NIPBL: variants seen among roughly 807,000 people sequenced by gnomAD.
The protein encoded by NIPBL is nipped-B-like protein.
A neutral mutation model predicts 321.8 loss-of-function variants in NIPBL; 19 were observed. That is an observed-to-expected ratio of 0.06 (90% CI 0.04 to 0.09). NIPBL has a LOEUF of 0.09. Among genes scored for constraint, NIPBL ranks in the 10% least tolerant of loss-of-function variants. NIPBL has a pLI of 1.00. For missense variants in NIPBL, 2,210 were observed against 3,327.0 expected (o/e 0.66, Z 8.26); for synonymous variants, 1,106 against 1,114.1 (o/e 0.99, Z 0.14).
At chr5:36,901,668 C>G (rs576121868) in intron 1 of NIPBL, among the ~76,000 whole-genome samples, 1 of 152,060 alleles carries the variant, frequency 6.6e-6, no homozygotes, top group African/African-American at 2.4e-5. Flanking sequence ...CACCACCACA[C>G]CCAACTAATT....
rs200928826 is a variant in NIPBL, at chr5:36,993,837, A to C, written c.3122-1785A>C. On this transcript the variant is annotated intron_variant, in intron 10 of 46. Coordinates refer to ENST00000282516, the MANE Select transcript of NIPBL (RefSeq NM_133433.4). ...TATCAAATACAGCAACTCAGGAACTATCCAGGAAGTACATCTGTAAGTGGA... is the reference window on the plus strand; with the variant it reads ...TATCAAATACAGCAACTCAGGAACTCTCCAGGAAGTACATCTGTAAGTGGA... 6.6e-5 allele frequency among the ~76,000 whole-genome samples: 10 copies of C among 152,262 alleles called. No individual in the cohort carries two copies. In the East Asian group the frequency reaches 1.9e-3, roughly 29 times the overall value.
At chr5:36,921,087 G>A (rs1748903827) in intron 1 of NIPBL, among the ~76,000 whole-genome samples, 1 of 151,290 alleles carries the variant, frequency 6.6e-6, no homozygotes, top group African/African-American at 2.4e-5. Context: ...AGTTTTCTTA[G>A]CTAATTTTTA....
At chr5:37,053,715 A>G (rs979606936) in intron 42 of NIPBL, among the ~76,000 whole-genome samples, 11 of 152,236 alleles carry the variant, frequency 7.2e-5, no homozygotes, top group Admixed American at 2.0e-4. Context: ...GGCCAGGACC[A>G]TAGGCCAAGA....
chr5:37,022,411 A>G, intron 29 of NIPBL, 21 bp downstream of exon 29: 2 of 1,587,070 alleles, frequency 1.3e-6, no homozygotes. Flanking sequence ...CATTTTTATA[A>G]TGATTCGTGA....
chr5:37,050,888 A>ATGCAGTCTCAGCTTACC (rs1753467111), intron 40 of NIPBL: 2 of 151,854 alleles, frequency 1.3e-5, no homozygotes, highest in Non-Finnish European at 2.9e-5. Flanking sequence ...GAGTGCAGTG[A>ATGCAGTCTCAGCTTACC]TGCAGTCTCA....
At chr5:37,020,143 A>G (rs1749462266) in intron 25 of NIPBL, among the ~76,000 whole-genome samples, 1 of 152,234 alleles carries the variant, frequency 6.6e-6, no homozygotes, top group African/African-American at 2.4e-5. Context: ...TTGACCCATC[A>G]TCTGTTTAAC....
intron 6 of NIPBL, among the ~76,000 whole-genome samples, chr5:36,964,938 A>G (rs1742038211): frequency 6.6e-6 from 1 of 152,154 alleles, no homozygotes; most frequent in African/African-American, 2.4e-5. Context: ...GCCGAACATC[A>G]CTCATCATCA....
At chr5:37,025,235 G>GGTGA (rs2149703067) in intron 30 of NIPBL, among the ~76,000 whole-genome samples, 1 of 152,162 alleles carries the variant, frequency 6.6e-6, no homozygotes, top group East Asian at 1.9e-4. Flanking sequence ...CCTGGGCAAG[G>GGTGA]GTGAGACTCC....
At chr5:37,037,201 C>CA (rs1751793245) in intron 33 of NIPBL, among the ~76,000 whole-genome samples, 1 of 151,304 alleles carries the variant, frequency 6.6e-6, no homozygotes, top group South Asian at 2.1e-4. Flanking sequence ...TCCTGGCTAA[C>CA]ACAATGAAAC....
At chr5:36,938,540 G>A (rs1403825083) in intron 1 of NIPBL, among the ~76,000 whole-genome samples, 1 of 152,108 alleles carries the variant, frequency 6.6e-6, no homozygotes, top group Admixed American at 6.5e-5. Flanking sequence ...ACCTAAAAAT[G>A]TAAAAACATT....
rs1755238932 is a variant in NIPBL, at chr5:37,064,956, C to T, written c.*64C>T. The T allele has an allele frequency of 1.9e-6, 3 of 1,590,388 alleles. No individual in the cohort carries two copies. Among genetic ancestry groups the T allele is most frequent in the Non-Finnish European group, 2.6e-6 (3 of 1,162,370 alleles). On this transcript the variant is annotated 3_prime_UTR_variant, in exon 47 of 47. Coordinates refer to ENST00000282516, the MANE Select transcript of NIPBL (RefSeq NM_133433.4). Reference sequence around the variant, plus strand: ...TAAAAGGCAGAAAAACTTGAAATACCAACATTCTGGCAAAAAAAAATCAGT... The same window carrying T: ...TAAAAGGCAGAAAAACTTGAAATACTAACATTCTGGCAAAAAAAAATCAGT...
At position 37,065,143 on chromosome 5, in the gene NIPBL, G is replaced by T; in HGVS notation, c.*251G>T. 2 of 480,272 alleles carry T rather than the reference G, an allele frequency of 4.2e-6. No individual in the cohort carries two copies. Among genetic ancestry groups the T allele is most frequent in the Non-Finnish European group, 7.4e-6 (2 of 270,224 alleles). The allele number at this position is 480,272 out of a possible 1,614,324, so 29.8% of individuals were successfully genotyped here. A position where few individuals can be genotyped will look rare whatever the true frequency, so the allele number is the denominator to read the frequency against. On this transcript the variant is annotated 3_prime_UTR_variant, in exon 47 of 47. Coordinates refer to ENST00000282516, the MANE Select transcript of NIPBL (RefSeq NM_133433.4). ...GTTTAACAAAAATTGTTTATATCTT[G>T]GAAAAAAAACTTTCTGTTTAAAAAA...
intron 40 of NIPBL, among the ~76,000 whole-genome samples, chr5:37,050,297 C>G (rs1353629259): frequency 1.3e-5 from 2 of 151,994 alleles, no homozygotes; most frequent in Admixed American, 1.3e-4. Context: ...AACCCCGTCT[C>G]TACTAAAAAT....
At chr5:37,020,717 T>C (rs759105519) in intron 26 of NIPBL, 44 bp downstream of exon 26, 41 of 1,598,940 alleles carry the variant, frequency 2.6e-5, no homozygotes, top group Non-Finnish European at 3.5e-5. Flanking sequence ...CTCCTTGATA[T>C]CTATTTCCCT....
intron 40 of NIPBL, among the ~76,000 whole-genome samples, chr5:37,050,120 C>T (rs1753376096): frequency 6.6e-6 from 1 of 151,872 alleles, no homozygotes; most frequent in African/African-American, 2.4e-5. Flanking sequence ...ACCGAGGGTT[C>T]TTTGTTGGGT....
At chr5:36,877,621 C>T (rs1561337055) in intron 1 of NIPBL, among the ~76,000 whole-genome samples, 1 of 152,200 alleles carries the variant, frequency 6.6e-6, no homozygotes, top group Non-Finnish European at 1.5e-5. Context: ...TTTCCCGGTC[C>T]GGGAGTGGGG....
intron 32 of NIPBL, among the ~76,000 whole-genome samples, chr5:37,033,781 T>C (rs1751394453): frequency 7.3e-6 from 1 of 136,320 alleles, no homozygotes; most frequent in African/African-American, 2.8e-5. Flanking sequence ...TTGCCCAGGC[T>C]GGACTCAAAC....
intron 8 of NIPBL, among the ~76,000 whole-genome samples, chr5:36,972,752 A>AC (rs1421060081): frequency 2.0e-5 from 3 of 152,238 alleles, no homozygotes; most frequent in Admixed American, 6.5e-5. Flanking sequence ...TAACTTAAAA[A>AC]TTTTAAGTTA....
At chr5:36,884,039 G>T (rs1745699159) in intron 1 of NIPBL, among the ~76,000 whole-genome samples, 1 of 152,046 alleles carries the variant, frequency 6.6e-6, no homozygotes, top group African/African-American at 2.4e-5. Context: ...TTTAAGAAAA[G>T]AATTTGGAAA....
Sources: gnomAD v4.1 joint callset for allele counts (sites outside exome capture counted in the v4.1 genomes callset) on GRCh38, gnomAD v4.1.1 for gene constraint, MANE v1.5 for transcripts, NCBI Gene and HGNC (gene_info 2026-07-23, HGNC 2026-07-21) for gene names.